Variants in PTCHD4 observed in about 807,000 individuals in gnomAD.
The protein encoded by PTCHD4 is patched domain-containing protein 4.
PTCHD4 carries 33 observed loss-of-function variants against 58.1 expected under a neutral mutation model. That is an observed-to-expected ratio of 0.57 (90% CI 0.43 to 0.76). The LOEUF (loss-of-function observed/expected upper bound fraction) is 0.76. Ranked by LOEUF, PTCHD4 falls within the 30% of genes least tolerant of loss-of-function variation. The pLI is 0.00. For synonymous variants in PTCHD4, 478 were observed against 409.6 expected, an observed-to-expected ratio of 1.17 and a Z score of -2.02; for missense variants, 1,058 against 1,027.1, an observed-to-expected ratio of 1.03 and a Z score of -0.41.
chr6:48,025,535 G>T (rs1327484055), intron 3 of PTCHD4, among the ~76,000 whole-genome samples: 1 of 152,058 alleles, frequency 6.6e-6, no homozygotes, highest in African/African-American at 2.4e-5. Flanking sequence ...TATGAATAAG[G>T]GCAAAGATTC....
At chr6:47,972,594 CT>C (rs1199460369) in intron 4 of PTCHD4, among the ~76,000 whole-genome samples, 1 of 151,814 alleles carries the variant, frequency 6.6e-6, no homozygotes, top group African/African-American at 2.4e-5. Context: ...TTCAAAAATT[CT>C]TTTGCTTTTT....
rs1763671318 is a variant in PTCHD4 at position 47,869,935 on chromosome 6, T to C, written c.*8368A>G. Among the ~76,000 whole-genome samples the C allele has an allele frequency of 6.6e-6, 1 of 151,612 alleles. No individual in the cohort carries two copies. The highest frequency in any genetic ancestry group is 2.4e-5 in the African/African-American group (1 of 41,386). On this transcript the variant is annotated 3_prime_UTR_variant, in exon 5 of 5. Transcript: ENST00000339488. ...TAATATTCTGTGGGGCATTTAATAC[T>C]AACAATAAAGAATGAAGAAAAATCT...
Position 47,881,783 on chromosome 6 carries a change from TA to T in PTCHD4, c.899-1848del, listed in dbSNP as rs60231542. Among the ~76,000 whole-genome samples the T allele has an allele frequency of 3.3e-4, 51 of 152,294 alleles. 1 individual carries two copies. In the East Asian group the frequency reaches 6.6e-3, roughly 20 times the overall value. ...GTTTTTATCAATTATTAATAGCTACTAAAGGAAGCTAGGCATTGGAATTCTT... is the reference window on the plus strand; with the variant it reads ...GTTTTTATCAATTATTAATAGCTACTAAGGAAGCTAGGCATTGGAATTCTT... On this transcript the variant is annotated intron_variant, in intron 4 of 4. Transcript: ENST00000339488.
chr6:48,068,783 T>C lies in PTCHD4; in HGVS notation c.6-142A>G. ...ACCCCACAACCACTCCGCCTGGTCT[T>C]TCCCCGGCCCCACCTCCATGCGCTC... On this transcript the variant is annotated intron_variant, in intron 2 of 4. Coordinates refer to ENST00000339488, the MANE Select transcript of PTCHD4 (RefSeq NM_001384253.1). The surrounding 1 kb of genome is among the most constrained non-coding windows in gnomAD (Gnocchi z 4.2). 1 of 732,806 alleles carries C rather than the reference T, an allele frequency of 1.4e-6. No homozygotes were observed. Among genetic ancestry groups the C allele is most frequent in the South Asian group, 1.9e-5 (1 of 52,940 alleles). 45.4% of individuals were successfully genotyped at this position (732,806 alleles called of 1,614,324 possible).
chr6:47,979,865 A>G (rs1235215947), intron 4 of PTCHD4, among the ~76,000 whole-genome samples: 3 of 152,066 alleles, frequency 2.0e-5, no homozygotes, highest in Admixed American at 2.0e-4. Context: ...ACCACTGCTC[A>G]TTCATATAGT....
intron 4 of PTCHD4, among the ~76,000 whole-genome samples, chr6:47,972,927 C>T (rs1348360137): frequency 6.6e-6 from 1 of 152,002 alleles, no homozygotes; most frequent in Non-Finnish European, 1.5e-5. Flanking sequence ...TTATGGCTTG[C>T]AAGTTGAATG....
At chr6:47,945,549 TAC>T (rs1489633624) in intron 4 of PTCHD4, among the ~76,000 whole-genome samples, 3 of 152,088 alleles carry the variant, frequency 2.0e-5, no homozygotes, top group Non-Finnish European at 2.9e-5. Context: ...TGCTTATTTT[TAC>T]ACTTTTTATA....
At chr6:47,931,218 C>T (rs1765809909) in intron 4 of PTCHD4, among the ~76,000 whole-genome samples, 1 of 152,210 alleles carries the variant, frequency 6.6e-6, no homozygotes, top group South Asian at 2.1e-4. Flanking sequence ...TCACCACGAA[C>T]AGGAGGGGGC....
At chr6:47,893,750 A>G (rs904292793) in intron 4 of PTCHD4, among the ~76,000 whole-genome samples, 2 of 152,252 alleles carry the variant, frequency 1.3e-5, no homozygotes, top group Non-Finnish European at 2.9e-5. Context: ...GTAATATTAT[A>G]TAGTTGTAGC....
chr6:47,924,879 C>T (rs993969790), intron 4 of PTCHD4, among the ~76,000 whole-genome samples: 7 of 151,984 alleles, frequency 4.6e-5, no homozygotes, highest in Admixed American at 2.0e-4. Context: ...TATAACACAG[C>T]ATTTCCCAAG....
At chr6:48,043,630 T>C (rs894252518) in intron 3 of PTCHD4, among the ~76,000 whole-genome samples, 3 of 151,954 alleles carry the variant, frequency 2.0e-5, no homozygotes, top group African/African-American at 4.8e-5. Context: ...AAAAATGTTA[T>C]CGCTCCTTAA....
At chr6:48,071,376 C>A (rs955677876) in intron 1 of PTCHD4, among the ~76,000 whole-genome samples, 2 of 152,060 alleles carry the variant, frequency 1.3e-5, no homozygotes, top group African/African-American at 2.4e-5. Context: ...AATACATTCA[C>A]TGAATGTTAA....
At position 47,942,383 on chromosome 6, in the gene PTCHD4, G is replaced by C. The variant is rs2894744; in HGVS notation, c.899-62447C>G. Among the ~76,000 whole-genome samples, 1,123 of 152,132 alleles carry C rather than the reference G, an allele frequency of 7.4e-3. 12 individuals carry two copies. The highest frequency in any genetic ancestry group is 0.025 in the African/African-American group (1,056 of 41,486). ...TTATAAAAACCCATGAGTATGTAAG[G>C]GTTGTCCTTCATAAATTCTCAGGGA... On this transcript the variant is annotated intron_variant, in intron 4 of 4. Transcript: ENST00000339488.
At chr6:48,016,773 A>T (rs1449966050) in intron 3 of PTCHD4, among the ~76,000 whole-genome samples, 2 of 150,654 alleles carry the variant, frequency 1.3e-5, no homozygotes, top group Non-Finnish European at 2.9e-5. Flanking sequence ...GATTAAAAAA[A>T]ATTAAAGTGA....
intron 3 of PTCHD4, among the ~76,000 whole-genome samples, chr6:48,027,222 A>G (rs894896770): frequency 9.2e-5 from 14 of 152,274 alleles, no homozygotes; most frequent in African/African-American, 3.4e-4. Context: ...TAAGAGATAA[A>G]TAAGTGCTTA....
intron 1 of PTCHD4, among the ~76,000 whole-genome samples, chr6:48,071,401 G>A (rs140864142): frequency 0.015 from 2,282 of 152,238 alleles, 41 homozygotes; most frequent in South Asian, 0.06. Context: ...AGAATTAGGT[G>A]CAATATGAAA....
rs187644458 is a variant in PTCHD4, at chr6:48,047,154, C to T, written c.417+21076G>A. 7.2e-4 allele frequency among the ~76,000 whole-genome samples: 109 copies of T among 151,788 alleles called. 5 individuals are homozygous for T. Among genetic ancestry groups the T allele is most frequent in the African/African-American group, 2.6e-3 (106 of 41,460 alleles). Reference sequence around the variant, plus strand: ...AAAACTGAGATGTTATTTGGTAGAACTCTCTCCCTTCCCTTCTCTTGTTCT... The same window carrying T: ...AAAACTGAGATGTTATTTGGTAGAATTCTCTCCCTTCCCTTCTCTTGTTCT... On this transcript the variant is annotated intron_variant, in intron 3 of 4. Transcript: ENST00000339488.
At chr6:47,971,493 A>T (rs965501547) in intron 4 of PTCHD4, among the ~76,000 whole-genome samples, 3 of 152,174 alleles carry the variant, frequency 2.0e-5, no homozygotes, top group East Asian at 1.9e-4. Flanking sequence ...GGAAAGAGTT[A>T]CCTATAAAGC....
chr6:47,942,333 T>C (rs1477129391), intron 4 of PTCHD4, among the ~76,000 whole-genome samples: 1 of 152,216 alleles, frequency 6.6e-6, no homozygotes, highest in African/African-American at 2.4e-5. Flanking sequence ...AGTTGATGCA[T>C]TTAAAGAAAA....
Sources: allele counts gnomAD v4.1 joint callset (sites outside exome capture counted in the v4.1 genomes callset), GRCh38; gene constraint gnomAD v4.1.1; non-coding constraint Gnocchi (gnomAD v3.1); transcripts MANE v1.5; gene names NCBI Gene and HGNC (gene_info 2026-07-23, HGNC 2026-07-21).